The following OCM variants were observed in gnomAD, a reference collection of about 807,000 sequenced individuals.
OCM encodes the protein oncomodulin-1.
Under a neutral mutation model 14.1 loss-of-function variants are expected in OCM, and 18 were observed. The observed-to-expected ratio is 1.28, with a 90% confidence interval of 0.88 to 1.89. OCM has a LOEUF of 1.89. OCM is among the 40% of genes most tolerant of loss of function. The pLI is 0.00. For missense variants in OCM, 140 were observed against 137.6 expected, an observed-to-expected ratio of 1.02 and a Z score of -0.09; for synonymous variants, 48 against 51.0, an observed-to-expected ratio of 0.94 and a Z score of 0.25.
the OCM span, among the ~76,000 whole-genome samples, chr7:5,872,313 T>G: frequency 6.6e-6 from 1 of 152,166 alleles, no homozygotes; most frequent in Non-Finnish European, 1.5e-5. Flanking sequence ...CTAAGACACT[T>G]CACGGTCTTC....
At chr7:5,868,733 C>T in the OCM span, among the ~76,000 whole-genome samples, 29 of 152,256 alleles carry the variant, frequency 1.9e-4, no homozygotes, top group African/African-American at 6.7e-4. Flanking sequence ...CCCATAACAG[C>T]TCTGGGCTAC....
At chr7:5,878,121 C>T (rs1292824566), upstream of OCM, among the ~76,000 whole-genome samples, 9 of 151,402 alleles carry the variant, frequency 5.9e-5, no homozygotes, top group East Asian at 1.2e-3. Flanking sequence ...CAGGCTACCA[C>T]GCCCAGCTAA....
At chr7:5,877,851 C>G (rs1781127050), upstream of OCM, among the ~76,000 whole-genome samples, 2 of 146,172 alleles carry the variant, frequency 1.4e-5, no homozygotes, top group Admixed American at 1.4e-4. Context: ...AAAAGGAGAT[C>G]CTGACACATG....
intron 2 of OCM, among the ~76,000 whole-genome samples, chr7:5,883,452 G>A (rs1422414968): frequency 6.6e-6 from 1 of 152,144 alleles, no homozygotes; most frequent in African/African-American, 2.4e-5. Context: ...GGCTGAGGTG[G>A]GTGGATTGCT....
the OCM span, among the ~76,000 whole-genome samples, chr7:5,869,329 G>T: frequency 6.6e-6 from 1 of 152,026 alleles, no homozygotes; most frequent in Non-Finnish European, 1.5e-5. Context: ...TGGGCACGGT[G>T]GCTCATGGCT....
the OCM span, among the ~76,000 whole-genome samples, chr7:5,866,382 G>A: frequency 0.015 from 862 of 56,974 alleles, 17 homozygotes; most frequent in African/African-American, 0.13. Flanking sequence ...GGGAGGAAAG[G>A]AGGAAGAGAG....
At chr7:5,882,103 A>G (rs1781229152) in intron 1 of OCM, among the ~76,000 whole-genome samples, 1 of 148,512 alleles carries the variant, frequency 6.7e-6, no homozygotes, top group Admixed American at 6.7e-5. Context: ...AAAAAAAAAA[A>G]AAAAAAAAAA....
At chr7:5,865,065 A>G in the OCM span, among the ~76,000 whole-genome samples, 1 of 152,228 alleles carries the variant, frequency 6.6e-6, no homozygotes, top group Non-Finnish European at 1.5e-5. Flanking sequence ...ACCATCGGAT[A>G]TGACCTGGGA....
At chr7:5,865,180 G>T in the OCM span, among the ~76,000 whole-genome samples, 3 of 151,986 alleles carry the variant, frequency 2.0e-5, no homozygotes, top group East Asian at 5.8e-4. Flanking sequence ...CGTCGGGGCC[G>T]ACGAGTAGTG....
the OCM span, among the ~76,000 whole-genome samples, chr7:5,869,403 G>A: frequency 6.6e-6 from 1 of 152,140 alleles, no homozygotes; most frequent in South Asian, 2.1e-4. Context: ...GTCGAGACCA[G>A]CCTGACCAAC....
At chr7:5,868,112 G>A in the OCM span, among the ~76,000 whole-genome samples, 6 of 151,852 alleles carry the variant, frequency 4.0e-5, no homozygotes, top group African/African-American at 1.2e-4. Context: ...CCCATCCAGT[G>A]TATTTTTCTT....
the OCM span, among the ~76,000 whole-genome samples, chr7:5,862,829 A>G: frequency 1.4e-4 from 21 of 151,008 alleles, no homozygotes; most frequent in African/African-American, 4.4e-4. Flanking sequence ...CTCTTTTCAC[A>G]TGTTTATCCT....
the OCM span, among the ~76,000 whole-genome samples, chr7:5,863,033 A>G: frequency 2.6e-5 from 4 of 152,222 alleles, no homozygotes; most frequent in Admixed American, 6.5e-5. Flanking sequence ...TGAATGCATC[A>G]TGGACTCTTT....
chr7:5,882,457 A>G, intron 1 of OCM, 36 bp from the exon 2 acceptor site: 6 of 1,600,132 alleles, frequency 3.7e-6, no homozygotes, highest in Non-Finnish European at 5.1e-6. Flanking sequence ...AATGTGATCC[A>G]ACAAGCGTCA....
At chr7:5,878,939 A>T (rs1781153161), upstream of OCM, among the ~76,000 whole-genome samples, 1 of 148,618 alleles carries the variant, frequency 6.7e-6, no homozygotes, top group Non-Finnish European at 1.5e-5. Context: ...CCAGCACTTT[A>T]GGAGGATGAG....
chr7:5,865,646 G>A, the OCM span, among the ~76,000 whole-genome samples: 3 of 152,066 alleles, frequency 2.0e-5, no homozygotes, highest in African/African-American at 7.2e-5. Flanking sequence ...AATAACTTTT[G>A]CACCAACCTA....
rs374256525 is a variant in OCM, at chr7:5,886,030, T to A, written c.305-34T>A. 2.7e-5 allele frequency: 43 copies of A among 1,613,992 alleles called. No homozygotes were observed. The African/African-American group carries it at 3.5e-4, about 13-fold the overall frequency. On this transcript the variant is annotated intron_variant, in intron 3 of 3. Transcript: ENST00000242104. ...CACGTCTGTAAAGAACCAAGCCACC[T>A]CCACTGACCCTGTTCTCACCTCTTC...
the OCM span, among the ~76,000 whole-genome samples, chr7:5,874,704 C>T: frequency 1.3e-5 from 2 of 151,956 alleles, no homozygotes; most frequent in African/African-American, 2.4e-5. Flanking sequence ...CGGGGTAGTG[C>T]TTTGTAACCC....
intron 3 of OCM, 25 bp from the exon 4 acceptor site, chr7:5,886,039 C>A: frequency 3.1e-6 from 5 of 1,614,072 alleles, no homozygotes; most frequent in Non-Finnish European, 2.5e-6. Context: ...CTCCACTGAC[C>A]CTGTTCTCAC....
Sources: gnomAD v4.1 joint callset for allele counts (sites outside exome capture counted in the v4.1 genomes callset) on GRCh38, gnomAD v4.1.1 for gene constraint, MANE v1.5 for transcripts, NCBI Gene and HGNC (gene_info 2026-07-23, HGNC 2026-07-21) for gene names.